The following NUTM2G variants were observed in gnomAD, a reference collection of about 807,000 sequenced individuals.
NUTM2G encodes the protein NUT family member 2G.
A neutral mutation model predicts 44.3 loss-of-function variants in NUTM2G; 29 were observed. The observed-to-expected ratio is 0.66, with a 90% confidence interval of 0.49 to 0.89. The LOEUF is 0.89. NUTM2G is among the 40% of genes least tolerant of loss of function. The probability of loss-of-function intolerance (pLI) is 0.00; values close to 1 mark genes in which losing one functional copy is unlikely to be tolerated. For synonymous variants in NUTM2G, 205 were observed against 395.9 expected, an observed-to-expected ratio of 0.52 and a Z score of 5.72; for missense variants, 502 against 946.5, an observed-to-expected ratio of 0.53 and a Z score of 6.16.
In NUTM2G at chr9:96,931,829, C is replaced by A. The variant is rs775283366; in HGVS notation, c.124C>A (p.Pro42Thr). Reference sequence around the variant, plus strand: ...CTCTCCCGGCCCAACACACAGGCCGCCCCTCGTGACTGCAGTGGTTCCTCC... The same window carrying A: ...CTCTCCCGGCCCAACACACAGGCCGACCCTCGTGACTGCAGTGGTTCCTCC... ...TPSPGPTHRP[P>T]LVTAVVPPAG... Residue 42 changes from proline to threonine, a missense_variant, in exon 2 of 7, where the codon CCC becomes ACC. Physicochemically the swap from Pro to Thr is conservative, Grantham distance 38 (BLOSUM62 -1). Transcript: ENST00000372322. 1 of 1,612,306 alleles carries A rather than the reference C, an allele frequency of 6.2e-7. No individual in the cohort carries two copies. Among genetic ancestry groups the A allele is most frequent in the South Asian group, 1.1e-5 (1 of 91,000 alleles).
intron 5 of NUTM2G, among the ~76,000 whole-genome samples, 181 bp downstream of exon 5, chr9:96,937,585 CTG>C (rs775728384): frequency 4.6e-5 from 7 of 151,952 alleles, no homozygotes; most frequent in African/African-American, 1.7e-4. Flanking sequence ...TGATTTGTTA[CTG>C]TGTCTTTGTG....
intron 1 of NUTM2G, among the ~76,000 whole-genome samples, chr9:96,929,626 C>A (rs1826176552): frequency 2.0e-5 from 3 of 151,878 alleles, no homozygotes; most frequent in African/African-American, 7.3e-5. Flanking sequence ...GAGATGGCTT[C>A]TCCGTCAGTT....
rs557391138 is a variant in NUTM2G at position 96,931,918 on chromosome 9, C to T, written c.213C>T (p.Arg71=). 3.2e-5 allele frequency: 52 copies of T among 1,612,138 alleles called. No individual in the cohort carries two copies. Among genetic ancestry groups the T allele is most frequent in the Middle Eastern group, 2.1e-4 (1 of 4,676 alleles). ...CTCTAGTGGCAGGACAGGATGGCCG[C>T]GGCCCAAGTGGGGCTGGGGCTTCCA... ...STPLVAGQDG[R]GPSGAGASNV... The change falls in exon 2 of 7, where the codon CGC becomes CGT. Residue 71 remains arginine, a synonymous_variant. Coordinates refer to ENST00000372322, the MANE Select transcript of NUTM2G (RefSeq NM_001170741.3).
chr9:96,932,816 C>T (rs1004680941), intron 2 of NUTM2G, among the ~76,000 whole-genome samples: 1 of 151,828 alleles, frequency 6.6e-6, no homozygotes, highest in Non-Finnish European at 1.5e-5. Flanking sequence ...CCATGCCTGG[C>T]TAATTTTGTA....
rs1564033441 is a variant in NUTM2G, at chr9:96,937,138, G to A, written c.1057G>A (p.Glu353Lys). The A allele has an allele frequency of 6.2e-7, 1 of 1,611,966 alleles. No individual in the cohort carries two copies. The highest frequency in any genetic ancestry group is 1.1e-5 in the South Asian group (1 of 90,994). ...ACCACCCAGGCCCCAGAGGCCAGCG[G>A]AGACCAAGGCCCACCTGCCACCACC... ...LPPPRPQRPA[E>K]TKAHLPPPRP... The change falls in exon 5 of 7, where the codon GAG becomes AAG. Residue 353 changes from glutamate to lysine, a missense_variant. Physicochemically the swap from Glu to Lys is moderately conservative, Grantham distance 56. Transcript: ENST00000372322.
At chr9:96,936,992 T>A (rs1826452213) in intron 4 of NUTM2G, 72 bp from the exon 5 acceptor site, 2 of 1,378,174 alleles carry the variant, frequency 1.5e-6, no homozygotes, top group African/African-American at 2.9e-5. Flanking sequence ...CCCCAAGCCC[T>A]GCCCTCCCCT....
chr9:96,932,632 G>A (rs1448611351), intron 2 of NUTM2G, among the ~76,000 whole-genome samples: 5 of 151,960 alleles, frequency 3.3e-5, no homozygotes, highest in East Asian at 1.9e-4. Flanking sequence ...TCACTGTCCC[G>A]TGAGTCCAGC....
At chr9:96,929,791 G>A (rs1588197790) in intron 1 of NUTM2G, among the ~76,000 whole-genome samples, 1 of 152,212 alleles carries the variant, frequency 6.6e-6, no homozygotes. Context: ...CTAGCTCGTG[G>A]CCCGTCCTCT....
At chr9:96,934,922 G>C (rs1055137449) in intron 2 of NUTM2G, among the ~76,000 whole-genome samples, 2 of 151,846 alleles carry the variant, frequency 1.3e-5, no homozygotes, top group East Asian at 3.9e-4. Flanking sequence ...GAGAGCAAGA[G>C]CCCTGGTGTC....
rs368546351 is a variant in NUTM2G at position 96,937,538 on chromosome 9, CTGTG to C, written c.1323+140_1323+143del. The C allele has an allele frequency of 1.1e-3, 830 of 757,802 alleles. 12 individuals are homozygous for C. The African/African-American group carries it at 0.013, about 12-fold the overall frequency. The allele number at this position is 757,802 out of a possible 1,614,324, so 46.9% of individuals were successfully genotyped here. On this transcript the variant is annotated intron_variant, in intron 5 of 6. Coordinates refer to ENST00000372322, the MANE Select transcript of NUTM2G (RefSeq NM_001170741.3). ...TGGATTTGAGTGTCTGTGTATGTGA[CTGTG>C]TGTGTCTGTGTGTTGCTGTGTGTTT...
At chr9:96,935,566 A>G (rs1826402958) in intron 3 of NUTM2G, 110 bp downstream of exon 3, 1 of 1,600,726 alleles carries the variant, frequency 6.2e-7, no homozygotes, top group Non-Finnish European at 8.5e-7. Context: ...GGGTGTGGAC[A>G]AACACAGGAC....
downstream of NUTM2G, among the ~76,000 whole-genome samples, chr9:96,940,553 G>A (rs1419470183): frequency 1.3e-5 from 2 of 150,566 alleles, no homozygotes; most frequent in African/African-American, 5.0e-5. Flanking sequence ...GTTCCCTCCT[G>A]GCCAACACCT....
At chr9:96,930,033 C>T (rs1163579577) in intron 1 of NUTM2G, among the ~76,000 whole-genome samples, 2 of 152,254 alleles carry the variant, frequency 1.3e-5, no homozygotes, top group African/African-American at 4.8e-5. Flanking sequence ...GCGCTGTATC[C>T]CTTATTCCCC....
At chr9:96,933,355 G>A (rs971542147) in intron 2 of NUTM2G, among the ~76,000 whole-genome samples, 30 of 151,168 alleles carry the variant, frequency 2.0e-4, no homozygotes, top group African/African-American at 7.1e-4. Context: ...CGTGAGCCAC[G>A]GTTTGGGTTT....
In NUTM2G at chr9:96,937,525, T is replaced by C. The variant is rs1826474696; in HGVS notation, c.1323+121T>C. On this transcript the variant is annotated intron_variant, in intron 5 of 6. Transcript: ENST00000372322. ...ATGTGTATTTCCATGGATTTGAGTG[T>C]CTGTGTATGTGACTGTGTGTGTCTG... 6.9e-6 allele frequency: 6 copies of C among 872,156 alleles called. No individual in the cohort carries two copies. The Admixed American group carries it at 1.6e-4, about 23-fold the overall frequency. The allele number at this position is 872,156 out of a possible 1,614,324, so 54.0% of individuals were successfully genotyped here.
At chr9:96,930,277 C>A (rs1168178211) in intron 1 of NUTM2G, among the ~76,000 whole-genome samples, 3 of 152,192 alleles carry the variant, frequency 2.0e-5, no homozygotes, top group East Asian at 1.9e-4. Context: ...GTAATCCCAG[C>A]ACTTTGGGAG....
chr9:96,932,020 C>G lies in NUTM2G; in HGVS notation c.315C>G (p.Ala105=). 6.2e-7 allele frequency: 1 copy of G among 1,610,092 alleles called. No homozygotes were observed. Among genetic ancestry groups the G allele is most frequent in the South Asian group, 1.1e-5 (1 of 90,840 alleles). ...CACAGACCTTGATCCTAACTCAGGCCCCCCTCGTCTGGCAGGCTCCAGGCA... is the reference window on the plus strand; with the variant it reads ...CACAGACCTTGATCCTAACTCAGGCGCCCCTCGTCTGGCAGGCTCCAGGCA... ...PQAQTLILTQ[A]PLVWQAPGTL... is the part of the protein sequence containing the mutation. Residue 105 remains alanine (A), a synonymous_variant, in exon 2 of 7, where the codon GCC becomes GCG. Transcript: ENST00000372322.
chr9:96,938,561 A>G lies in NUTM2G; in HGVS notation c.1638A>G (p.Gly546=). The change falls in exon 7 of 7, where the codon GGA becomes GGG. Residue 546 remains glycine, a synonymous_variant. Coordinates refer to ENST00000372322, the MANE Select transcript of NUTM2G (RefSeq NM_001170741.3). ...AGACGGCTGCCCAGGACCCTCAGGG[A>G]CAGGGCAGAGTGCGCACTGGCATGG... The part of the protein sequence containing the change: ...PPQTAAQDPQ[G]QGRVRTGMAR... 1 of 1,613,700 alleles carries G rather than the reference A, an allele frequency of 6.2e-7. No homozygotes were observed. The highest frequency in any genetic ancestry group is 1.1e-5 in the South Asian group (1 of 91,066).
At chr9:96,930,871 G>GTTTTTT (rs1310362219) in intron 1 of NUTM2G, among the ~76,000 whole-genome samples, 4 of 104,404 alleles carry the variant, frequency 3.8e-5, no homozygotes, top group African/African-American at 1.5e-4. Flanking sequence ...TCCATCCAGT[G>GTTTTTT]GTTTTTTTTT....
Sources: allele counts gnomAD v4.1 joint callset (sites outside exome capture counted in the v4.1 genomes callset), GRCh38; gene constraint gnomAD v4.1.1; transcripts MANE v1.5; gene names NCBI Gene and HGNC (gene_info 2026-07-23, HGNC 2026-07-21).